Variants in MIAT observed in about 807,000 individuals in gnomAD.
The protein encoded by MIAT is MI related novel mRNA.
chr22:26,659,840 C>CTTTCT (rs1249099894), intron 2 of MIAT, among the ~76,000 whole-genome samples: 17 of 94,972 alleles, frequency 1.8e-4, no homozygotes, highest in African/African-American at 3.1e-4. Flanking sequence ...TTCTTTCTTT[C>CTTTCT]TTTTTTTTTT....
chr22:26,657,431 G>T, intron 2 of MIAT: 1 of 395,528 alleles, frequency 2.5e-6, no homozygotes, highest in Non-Finnish European at 4.4e-6. Context: ...CGGGGGTGGG[G>T]CGCCTCCGCC....
At chr22:26,657,794 G>C (rs1930516341) in intron 2 of MIAT, 1 of 397,732 alleles carries the variant, frequency 2.5e-6, no homozygotes, top group African/African-American at 2.1e-5. Context: ...AACGCCGCCT[G>C]AAGTGTCCCG....
chr22:26,655,745 A>G (rs1425410720), intron 2 of MIAT, among the ~76,000 whole-genome samples: 1 of 152,190 alleles, frequency 6.6e-6, no homozygotes, highest in Non-Finnish European at 1.5e-5. Context: ...GTGCATCAGA[A>G]TTCCTTGGTG....
intron 2 of MIAT, chr22:26,657,490 A>G (rs1930503094): frequency 5.0e-6 from 2 of 398,538 alleles, no homozygotes; most frequent in South Asian, 2.5e-4. Flanking sequence ...AGCAGCTACA[A>G]AGACGACGCC....
At chr22:26,647,370 G>T in intron 2 of MIAT, 1 of 342,694 alleles carries the variant, frequency 2.9e-6, no homozygotes, top group Non-Finnish European at 5.1e-6. Flanking sequence ...GGGACGTGGG[G>T]GGTGGAGAGA....
At chr22:26,670,066 T>TTTTG, downstream of MIAT, 1 of 397,994 alleles carries the variant, frequency 2.5e-6, no homozygotes, top group East Asian at 3.6e-5. Context: ...ATTTTTTTTT[T>TTTTG]TTTTTGGCTC....
intron 2 of MIAT, chr22:26,650,365 C>G (rs1474199205): frequency 6.6e-6 from 1 of 152,206 alleles, no homozygotes; most frequent in Non-Finnish European, 1.5e-5. Context: ...TTAAGACACC[C>G]CAGTCTATGG....
chr22:26,667,639 G>A, intron 5 of MIAT: 1 of 231,872 alleles, frequency 4.3e-6, no homozygotes, highest in Non-Finnish European at 8.3e-6. Context: ...CTGCCTGGTG[G>A]GTATTCTCAG....
chr22:26,673,789 C>G, downstream of MIAT: 1 of 398,616 alleles, frequency 2.5e-6, no homozygotes, highest in Non-Finnish European at 4.4e-6. Context: ...TGGTAGTTTT[C>G]TAAAGGAGGT....
At chr22:26,665,820 A>G (rs75670775) in exon 4 of MIAT, 6,099 of 398,540 alleles carry the variant, frequency 0.015, 292 homozygotes, top group African/African-American at 0.11. Context: ...CACACTTCAC[A>G]TTTGGCGTTA....
intron 3 of MIAT, chr22:26,665,469 AG>A (rs1309838977): frequency 2.5e-6 from 1 of 398,564 alleles, no homozygotes; most frequent in Admixed American, 4.4e-5. Context: ...CCACAGAACG[AG>A]GGGAAAGGGT....
chr22:26,653,802 C>T (rs749005681), intron 2 of MIAT, among the ~76,000 whole-genome samples: 5 of 152,116 alleles, frequency 3.3e-5, no homozygotes, highest in African/African-American at 4.8e-5. Flanking sequence ...TGTAGTGGTG[C>T]GATCTCAGGT....
At chr22:26,673,208 C>G (rs1007236394), downstream of MIAT, 128 of 398,656 alleles carry the variant, frequency 3.2e-4, no homozygotes, top group Non-Finnish European at 5.2e-4. Flanking sequence ...GAATGCATCT[C>G]TGGCTCTCTG....
downstream of MIAT, chr22:26,673,673 AC>A: frequency 2.5e-6 from 1 of 397,586 alleles, no homozygotes. Flanking sequence ...ACAGGTTTGA[AC>A]TTGGCTAACA....
downstream of MIAT, chr22:26,673,855 G>T (rs140379316): frequency 2.3e-5 from 9 of 398,598 alleles, no homozygotes; most frequent in East Asian, 2.9e-4. Flanking sequence ...ACCAAGGTGG[G>T]GTCAGAAGTA....
intron 2 of MIAT, among the ~76,000 whole-genome samples, chr22:26,661,957 T>C (rs1440114151): frequency 7.1e-5 from 4 of 56,154 alleles, no homozygotes; most frequent in Non-Finnish European, 1.5e-4. Flanking sequence ...TATATATATA[T>C]ATATACACAC....
chr22:26,647,642 G>A lies in MIAT; in HGVS notation n.646+331G>A, dbSNP rs190751425. ...TGGGGGCCAGCCATGGCAGGGTAAG[G>A]CTGCAAGGGAAGGTAAAGGTTGCTC... On this transcript the variant is annotated intron_variant and non_coding_transcript_variant, in intron 2 of 5. Transcript: ENST00000643270. 1.6e-3 allele frequency among the ~76,000 whole-genome samples: 247 copies of A among 152,242 alleles called. 1 individual carries two copies. Among genetic ancestry groups the A allele is most frequent in the African/African-American group, 5.5e-3 (230 of 41,532 alleles).
exon 6 of MIAT, chr22:26,669,354 GGT>G: frequency 2.5e-6 from 1 of 398,730 alleles, no homozygotes; most frequent in Non-Finnish European, 4.4e-6. Context: ...TCCAGATCAA[GGT>G]GTTAAGACTT....
intron 3 of MIAT, chr22:26,663,648 T>A: frequency 2.7e-6 from 1 of 370,900 alleles, no homozygotes; most frequent in Non-Finnish European, 4.8e-6. Flanking sequence ...CAACTGGTTC[T>A]TTGTGCGGCC....
Sources: allele counts gnomAD v4.1 joint callset (sites outside exome capture counted in the v4.1 genomes callset), GRCh38; gene constraint gnomAD v4.1.1; transcripts MANE v1.5; gene names NCBI Gene and HGNC (gene_info 2026-07-23, HGNC 2026-07-21).